The following MCC variants were observed in gnomAD, a reference collection of about 807,000 sequenced individuals.
MCC encodes the protein colorectal mutant cancer protein.
MCC carries 90 observed loss-of-function variants against 116.2 expected under a neutral mutation model. The observed-to-expected ratio is 0.77, with a 90% confidence interval of 0.65 to 0.92. The LOEUF is 0.92. Ranked by LOEUF, MCC falls within the 40% of genes least tolerant of loss-of-function variation. The pLI, the probability that MCC is intolerant of heterozygous loss-of-function variation, is 0.00. For synonymous variants in MCC, 578 were observed against 510.5 expected (o/e 1.13, Z -1.78); for missense variants, 1,516 against 1,312.2 (o/e 1.16, Z -2.40).
chr5:113,276,704 G>A (rs1043527784), intron 3 of MCC, among the ~76,000 whole-genome samples: 3 of 152,076 alleles, frequency 2.0e-5, no homozygotes, highest in Non-Finnish European at 4.4e-5. Flanking sequence ...TCGGCTCACT[G>A]GGGCCTCGAC....
intron 3 of MCC, among the ~76,000 whole-genome samples, chr5:113,258,681 C>G (rs772987184): frequency 6.0e-4 from 91 of 152,346 alleles, no homozygotes; most frequent in Non-Finnish European, 9.6e-4. Flanking sequence ...TTGGGGGTCA[C>G]TCACTTAGGA....
At chr5:113,344,509 G>A (rs1768088164) in intron 2 of MCC, among the ~76,000 whole-genome samples, 1 of 151,698 alleles carries the variant, frequency 6.6e-6, no homozygotes, top group South Asian at 2.1e-4. Flanking sequence ...ATCACAGCTT[G>A]CAGCAAAGAA....
chr5:113,048,993 G>A, intron 16 of MCC, 100 bp downstream of exon 16: 1 of 1,127,248 alleles, frequency 8.9e-7, no homozygotes, highest in Non-Finnish European at 1.3e-6. Flanking sequence ...GCAAATACAA[G>A]AACTGAGGCA....
intron 3 of MCC, among the ~76,000 whole-genome samples, chr5:113,250,163 A>AC (rs1764741835): frequency 6.6e-6 from 1 of 152,192 alleles, no homozygotes; most frequent in Admixed American, 6.5e-5. Context: ...GTCAGTGAAG[A>AC]CCCACCAATG....
chr5:113,451,252 C>G (rs550518977), intron 1 of MCC, among the ~76,000 whole-genome samples: 96 of 152,320 alleles, frequency 6.3e-4, no homozygotes, highest in Non-Finnish European at 1.1e-3. Flanking sequence ...TTGCTCTGTA[C>G]TACAACAAAA....
chr5:113,320,279 G>T (rs939029423), intron 3 of MCC, among the ~76,000 whole-genome samples: 2 of 151,762 alleles, frequency 1.3e-5, no homozygotes, highest in South Asian at 4.1e-4. Flanking sequence ...CACACAATTA[G>T]TTGTTTGTTT....
At chr5:113,437,367 G>A (rs547906621) in intron 1 of MCC, among the ~76,000 whole-genome samples, 67 of 152,178 alleles carry the variant, frequency 4.4e-4, no homozygotes, top group Admixed American at 8.5e-4. Context: ...AGTGATCATC[G>A]CAAAGAAAGG....
At chr5:113,196,838 C>G (rs973109772) in intron 3 of MCC, among the ~76,000 whole-genome samples, 6 of 152,120 alleles carry the variant, frequency 3.9e-5, no homozygotes, top group African/African-American at 1.4e-4. Context: ...GACTCTATCT[C>G]AAAAATCAAT....
Position 113,374,550 on chromosome 5 carries a change from G to C in MCC, c.415+10418C>G, listed in dbSNP as rs112768928. On this transcript the variant is annotated intron_variant, in intron 2 of 18. Coordinates refer to ENST00000408903, the MANE Select transcript of MCC (RefSeq NM_001085377.2). Reference sequence around the variant, plus strand: ...GACAGACCGACTTACGCCCGAGCCAGAGATTTCTTTGAAGTCACATGTTTC... The same window carrying C: ...GACAGACCGACTTACGCCCGAGCCACAGATTTCTTTGAAGTCACATGTTTC... 2.9e-3 allele frequency among the ~76,000 whole-genome samples: 441 copies of C among 152,318 alleles called. 2 individuals carry two copies. The highest frequency in any genetic ancestry group is 0.01 in the African/African-American group (421 of 41,562).
chr5:113,061,811 T>G (rs1213451386), intron 14 of MCC, among the ~76,000 whole-genome samples: 1 of 152,162 alleles, frequency 6.6e-6, no homozygotes, highest in Admixed American at 6.5e-5. Flanking sequence ...GGAAAGGAGA[T>G]TTGCTGGGCC....
intron 1 of MCC, among the ~76,000 whole-genome samples, chr5:113,420,204 T>TA (rs1001063376): frequency 6.7e-4 from 80 of 120,200 alleles, no homozygotes; most frequent in Non-Finnish European, 1.0e-3. Flanking sequence ...GATTAAATCT[T>TA]AAATATAAGA....
At chr5:113,064,680 T>G (rs1753464087) in intron 13 of MCC, among the ~76,000 whole-genome samples, 1 of 152,192 alleles carries the variant, frequency 6.6e-6, no homozygotes, top group Admixed American at 6.5e-5. Flanking sequence ...TTAGATTGGC[T>G]CTGTATTATA....
At chr5:113,327,333 G>C (rs1016677703) in intron 3 of MCC, among the ~76,000 whole-genome samples, 2 of 151,730 alleles carry the variant, frequency 1.3e-5, no homozygotes, top group African/African-American at 2.4e-5. Flanking sequence ...GATCACCTGA[G>C]GTCAGGAGTT....
intron 1 of MCC, among the ~76,000 whole-genome samples, chr5:113,485,440 G>A (rs348958): frequency 0.69 from 104,684 of 152,088 alleles, 36,446 homozygotes; most frequent in East Asian, 0.88. Context: ...ATGCTTCCTC[G>A]GACTCTACTG....
At chr5:113,084,524 CT>C (rs1755068284) in intron 9 of MCC, among the ~76,000 whole-genome samples, 1 of 152,264 alleles carries the variant, frequency 6.6e-6, no homozygotes, top group Non-Finnish European at 1.5e-5. Context: ...CAAATGTCCC[CT>C]GGAGGATGAA....
intron 16 of MCC, chr5:113,048,451 T>C (rs1752264372): frequency 6.6e-6 from 1 of 152,394 alleles, no homozygotes. Flanking sequence ...ATTTAGTAGC[T>C]GTCTCCATTA....
chr5:113,214,389 C>A (rs1031593199), intron 3 of MCC, among the ~76,000 whole-genome samples: 5 of 152,214 alleles, frequency 3.3e-5, no homozygotes, highest in Non-Finnish European at 5.9e-5. Context: ...AACTGAGTTG[C>A]CTTGCGTGTT....
At chr5:113,154,163 T>A (rs188795480) in intron 3 of MCC, among the ~76,000 whole-genome samples, 255 of 152,356 alleles carry the variant, frequency 1.7e-3, no homozygotes, top group Non-Finnish European at 2.6e-3. Context: ...CCTGAGTTAT[T>A]TCTGTATTAA....
intron 1 of MCC, among the ~76,000 whole-genome samples, chr5:113,450,153 G>A (rs944967288): frequency 2.6e-5 from 4 of 152,142 alleles, no homozygotes; most frequent in South Asian, 2.1e-4. Context: ...TCTTTCATTT[G>A]ACTCTCTCCT....
Sources: gnomAD v4.1 joint callset for allele counts (sites outside exome capture counted in the v4.1 genomes callset) on GRCh38, gnomAD v4.1.1 for gene constraint, MANE v1.5 for transcripts, NCBI Gene and HGNC (gene_info 2026-07-23, HGNC 2026-07-21) for gene names.